Variants in CALD1 observed in about 807,000 individuals in gnomAD.
CALD1 encodes caldesmon 1.
Under a neutral mutation model 99.9 loss-of-function variants are expected in CALD1, and 33 were observed. The observed-to-expected ratio is 0.33, with a 90% confidence interval of 0.25 to 0.44. CALD1 has a LOEUF of 0.44. Among genes scored for constraint, CALD1 ranks in the 20% least tolerant of loss-of-function variants. The pLI, the probability that CALD1 is intolerant of heterozygous loss-of-function variation, is 1.00. For synonymous variants in CALD1, 310 were observed against 325.0 expected (o/e 0.95, Z 0.50); for missense variants, 861 against 962.1 (o/e 0.89, Z 1.39).
intron 3 of CALD1, among the ~76,000 whole-genome samples, chr7:134,869,934 C>T (rs1010480526): frequency 6.6e-6 from 1 of 152,070 alleles, no homozygotes; most frequent in African/African-American, 2.4e-5. Context: ...GTATGAGGCC[C>T]AATGTTGAGT....
At chr7:134,732,930 A>T in the CALD1 span, among the ~76,000 whole-genome samples, 1 of 152,244 alleles carries the variant, frequency 6.6e-6, no homozygotes, top group African/African-American at 2.4e-5. Context: ...CTTCTTAGCA[A>T]ATCTCTTGGC....
chr7:134,835,189 C>T (rs186399077), intron 1 of CALD1, among the ~76,000 whole-genome samples: 1 of 152,276 alleles, frequency 6.6e-6, no homozygotes, highest in East Asian at 1.9e-4. Context: ...GATGGTTTTG[C>T]TTTTGGTTGC....
chr7:134,718,990 G>A, the CALD1 span, among the ~76,000 whole-genome samples: 1 of 152,112 alleles, frequency 6.6e-6, no homozygotes, highest in East Asian at 1.9e-4. Context: ...CTAGCCTCAT[G>A]ACTACTGTGT....
chr7:134,841,209 A>G (rs751788026), intron 1 of CALD1, among the ~76,000 whole-genome samples: 11 of 152,206 alleles, frequency 7.2e-5, no homozygotes, highest in Admixed American at 3.3e-4. Flanking sequence ...GACTCGTACA[A>G]GGTCAATTCA....
At chr7:134,862,529 G>A (rs1800607355) in intron 2 of CALD1, among the ~76,000 whole-genome samples, 1 of 152,168 alleles carries the variant, frequency 6.6e-6, no homozygotes, top group Non-Finnish European at 1.5e-5. Flanking sequence ...AAGCTGTAGA[G>A]ACATAAAAAC....
intron 5 of CALD1, among the ~76,000 whole-genome samples, chr7:134,934,292 A>G (rs926361231): frequency 2.0e-5 from 3 of 152,162 alleles, no homozygotes; most frequent in African/African-American, 4.8e-5. Flanking sequence ...ACAGCCAGTA[A>G]ATTTGGCTGT....
At chr7:134,766,358 CT>C (rs1484327973) in intron 1 of CALD1, among the ~76,000 whole-genome samples, 1 of 151,794 alleles carries the variant, frequency 6.6e-6, no homozygotes, top group East Asian at 1.9e-4. Flanking sequence ...GTTGGCCAGG[CT>C]AGTCTCGAAC....
At chr7:134,800,518 T>A (rs1475930536) in intron 1 of CALD1, among the ~76,000 whole-genome samples, 1 of 152,134 alleles carries the variant, frequency 6.6e-6, no homozygotes, top group Non-Finnish European at 1.5e-5. Context: ...AAGCATATTT[T>A]GTCTGCTATT....
chr7:134,928,649 T>C, intron 3 of CALD1, 105 bp from the exon 4 acceptor site: 2 of 1,020,126 alleles, frequency 2.0e-6, no homozygotes, highest in South Asian at 3.4e-5. Context: ...TGTGGTTCAT[T>C]AAGCAGTGAA....
intron 1 of CALD1, among the ~76,000 whole-genome samples, chr7:134,789,274 G>A (rs1797428112): frequency 6.6e-6 from 1 of 152,144 alleles, no homozygotes; most frequent in Admixed American, 6.5e-5. Flanking sequence ...TATAGCTAAG[G>A]TCCCACAGCT....
chr7:134,880,720 G>A (rs761411069), intron 3 of CALD1, among the ~76,000 whole-genome samples: 20 of 151,942 alleles, frequency 1.3e-4, no homozygotes, highest in Non-Finnish European at 2.1e-4. Flanking sequence ...AAGGGGCCTC[G>A]CGCAAAAGTT....
At chr7:134,850,595 T>C (rs1431836547) in intron 2 of CALD1, among the ~76,000 whole-genome samples, 1 of 152,212 alleles carries the variant, frequency 6.6e-6, no homozygotes, top group African/African-American at 2.4e-5. Flanking sequence ...AGAAATCAAC[T>C]TATCCATCTA....
At chr7:134,834,941 C>T (rs1563033027) in intron 1 of CALD1, among the ~76,000 whole-genome samples, 2 of 152,154 alleles carry the variant, frequency 1.3e-5, no homozygotes, top group African/African-American at 4.8e-5. Flanking sequence ...CTGTGTTTGC[C>T]GATGTCCACA....
intron 3 of CALD1, among the ~76,000 whole-genome samples, chr7:134,919,379 C>A (rs1287417013): frequency 6.6e-6 from 1 of 152,132 alleles, no homozygotes; most frequent in East Asian, 1.9e-4. Context: ...TGTGTAGACA[C>A]AAGAAGAGGA....
chr7:134,808,402 G>C (rs975287226), intron 1 of CALD1, among the ~76,000 whole-genome samples: 1 of 152,048 alleles, frequency 6.6e-6, no homozygotes, highest in African/African-American at 2.4e-5. Context: ...GCCACCACCT[G>C]GCCCCCATTC....
At chr7:134,865,513 T>G (rs527637145) in intron 2 of CALD1, among the ~76,000 whole-genome samples, 14 of 152,164 alleles carry the variant, frequency 9.2e-5, no homozygotes, top group Non-Finnish European at 8.8e-5. Flanking sequence ...TGCCCCCACA[T>G]GTATACTCAG....
At chr7:134,871,220 G>T (rs1801059497) in intron 3 of CALD1, among the ~76,000 whole-genome samples, 1 of 152,058 alleles carries the variant, frequency 6.6e-6, no homozygotes, top group African/African-American at 2.4e-5. Context: ...AAATAAAAAT[G>T]AAGGCAATTT....
intron 1 of CALD1, among the ~76,000 whole-genome samples, chr7:134,815,949 C>G (rs569037308): frequency 5.9e-5 from 9 of 152,258 alleles, no homozygotes; most frequent in African/African-American, 1.9e-4. Flanking sequence ...AAGAATCTTT[C>G]TTTCAAAATA....
Position 134,941,119 on chromosome 7 carries a change from A to G in CALD1, c.1414A>G (p.Lys472Glu), listed in dbSNP as rs773121136. 1 of 1,611,254 alleles carries G rather than the reference A, an allele frequency of 6.2e-7. No homozygotes were observed. The highest frequency in any genetic ancestry group is 8.5e-7 in the Non-Finnish European group (1 of 1,178,986). The part of the protein sequence containing the change: ...EIKDEKIKKD[K>E]EPKEEVKSFM... ...CAAAGATGAAAAGATTAAAAAGGAC[A>G]AAGAACCCAAAGAAGAAGTTAAGAG... Residue 472 changes from lysine to glutamate, a missense_variant, in exon 7 of 15, where the codon AAA (lysine) becomes GAA (glutamate). Lys to Glu is a moderately conservative substitution (Grantham distance 56). Around this residue, in one of 5 missense-constraint regions of CALD1, gnomAD observed 293 missense variants for 262.7 expected, o/e 1.12. Coordinates refer to ENST00000361675, the MANE Select transcript of CALD1 (RefSeq NM_033138.4).
Sources: allele counts gnomAD v4.1 joint callset (sites outside exome capture counted in the v4.1 genomes callset), GRCh38; gene constraint gnomAD v4.1.1; regional missense constraint gnomAD v4.1.1; transcripts MANE v1.5; gene names NCBI Gene and HGNC (gene_info 2026-07-23, HGNC 2026-07-21).